The following DAB1 variants were observed in gnomAD, a reference collection of about 807,000 sequenced individuals.
The protein encoded by DAB1 is DAB adaptor protein 1, also known as disabled homolog 1.
In DAB1, 15 loss-of-function variants were observed where a neutral mutation model predicts 64.6. The observed-to-expected ratio is 0.23, with a 90% CI of 0.16 to 0.36. DAB1 has a LOEUF of 0.36. Ranked by LOEUF, DAB1 falls within the 10% of genes least tolerant of loss-of-function variation. The pLI is 1.00. For missense variants in DAB1, 596 were observed against 706.7 expected (o/e 0.84, Z 1.78); for synonymous variants, 235 against 251.9 (o/e 0.93, Z 0.64).
At chr1:57,355,873 A>AACACACACACAC (rs10529674) in intron 1 of DAB1, among the ~76,000 whole-genome samples, 1 of 146,318 alleles carries the variant, frequency 6.8e-6, no homozygotes, top group East Asian at 2.2e-4. Context: ...AACCTCAATA[A>AACACACACACAC]ACACACACAC....
chr1:57,496,072 T>C (rs564309251), intron 7 of DAB1, among the ~76,000 whole-genome samples: 40 of 152,356 alleles, frequency 2.6e-4, no homozygotes, highest in Non-Finnish European at 5.0e-4. Context: ...CGTGTTTCTC[T>C]CTTTAGTAAG....
At chr1:57,841,579 C>A (rs1330323732) in intron 1 of DAB1, among the ~76,000 whole-genome samples, 2 of 152,254 alleles carry the variant, frequency 1.3e-5, no homozygotes. Context: ...GCAGGCCTAA[C>A]ACCACATGGA....
rs372883296 is a variant in DAB1, at chr1:58,403,639, T to C, written n.258-60236A>G. On this transcript the variant is annotated intron_variant and non_coding_transcript_variant, in intron 3 of 20. Coordinates refer to the DAB1 transcript ENST00000485760. ...CTCTCTGAGCCTCAATTTCCTCATGTGTAAAATGCAAGGAAGGGCAGGTAT... is the reference window on the plus strand; with the variant it reads ...CTCTCTGAGCCTCAATTTCCTCATGCGTAAAATGCAAGGAAGGGCAGGTAT... Among the ~76,000 whole-genome samples the C allele has an allele frequency of 3.9e-5, 6 of 152,324 alleles. No homozygotes were observed. In the East Asian group the frequency reaches 1.2e-3, roughly 29 times the overall value.
At chr1:58,376,594 T>A (rs904559994) in intron 3 of DAB1, among the ~76,000 whole-genome samples, 1 of 147,586 alleles carries the variant, frequency 6.8e-6, no homozygotes, top group Non-Finnish European at 1.5e-5. Flanking sequence ...GAGCTTTACT[T>A]CCAACTATGT....
intron 7 of DAB1, among the ~76,000 whole-genome samples, chr1:57,550,260 G>A (rs947124116): frequency 4.6e-5 from 7 of 152,162 alleles, no homozygotes; most frequent in Admixed American, 1.3e-4. Context: ...AGTATTGCAT[G>A]CCATTCACAG....
intron 3 of DAB1, among the ~76,000 whole-genome samples, chr1:58,392,692 T>C (rs1356939746): frequency 6.6e-6 from 1 of 152,236 alleles, no homozygotes; most frequent in Non-Finnish European, 1.5e-5. Context: ...ATGAGCTATA[T>C]GCTTGGTGAT....
rs939928807 is a variant in DAB1 at position 57,455,866 on chromosome 1, T to G, written n.626-164700A>C. ...AACTTGGGACGATTTAATATATCTG[T>G]CATTTCTAGTCAGGGATTTCTTGCG... On this transcript the variant is annotated intron_variant and non_coding_transcript_variant, in intron 7 of 20. Transcript: ENST00000485760. Among the ~76,000 whole-genome samples the G allele has an allele frequency of 3.3e-5, 5 of 152,178 alleles. 1 individual carries two copies. The highest frequency in any genetic ancestry group is 1.2e-4 in the African/African-American group (5 of 41,450).
intron 2 of DAB1, among the ~76,000 whole-genome samples, chr1:57,216,613 T>C (rs1032571143): frequency 6.6e-6 from 1 of 152,184 alleles, no homozygotes; most frequent in Non-Finnish European, 1.5e-5. Context: ...GAGACTGTAA[T>C]CTAGTTTAGA....
At chr1:57,438,865 GC>G (rs2101127949) in intron 7 of DAB1, among the ~76,000 whole-genome samples, 1 of 152,216 alleles carries the variant, frequency 6.6e-6, no homozygotes, top group Non-Finnish European at 1.5e-5. Context: ...CTCTTCAGTT[GC>G]CTCTTACTTT....
chr1:58,444,949 G>T (rs1203261975), intron 3 of DAB1, among the ~76,000 whole-genome samples: 1 of 152,164 alleles, frequency 6.6e-6, no homozygotes, highest in African/African-American at 2.4e-5. Flanking sequence ...AATAATTGTT[G>T]CTGGTTGTGT....
At chr1:58,505,255 C>T (rs761027765) in intron 3 of DAB1, among the ~76,000 whole-genome samples, 7 of 152,200 alleles carry the variant, frequency 4.6e-5, no homozygotes, top group Non-Finnish European at 7.3e-5. Flanking sequence ...TTCTATAATA[C>T]ACCTGGATCT....
chr1:58,056,312 T>G, intron 5 of DAB1: 1 of 1,538,520 alleles, frequency 6.5e-7, no homozygotes, highest in Non-Finnish European at 8.9e-7. Flanking sequence ...TCGAAGACGC[T>G]CGCTTCAGAA....
At chr1:57,497,926 A>G (rs1381430368) in intron 7 of DAB1, among the ~76,000 whole-genome samples, 1 of 152,218 alleles carries the variant, frequency 6.6e-6, no homozygotes, top group Non-Finnish European at 1.5e-5. Context: ...GAACTGGAAG[A>G]GGATAAGGGA....
At chr1:58,163,114 C>CA (rs1318604941) in intron 4 of DAB1, among the ~76,000 whole-genome samples, 3 of 152,200 alleles carry the variant, frequency 2.0e-5, no homozygotes, top group African/African-American at 7.2e-5. Context: ...AAACCAGGAG[C>CA]AAGTCCTGCC....
At chr1:57,238,902 T>C (rs944742483) in intron 2 of DAB1, among the ~76,000 whole-genome samples, 1 of 136,066 alleles carries the variant, frequency 7.3e-6, no homozygotes, top group African/African-American at 2.7e-5. Flanking sequence ...CACCCCTAAC[T>C]TGAAATGGTT....
intron 5 of DAB1, among the ~76,000 whole-genome samples, chr1:57,944,540 G>A (rs1645156052): frequency 6.6e-6 from 1 of 152,102 alleles, no homozygotes; most frequent in South Asian, 2.1e-4. Context: ...CTTGCTCTTT[G>A]GGATTTCTTA....
intron 7 of DAB1, among the ~76,000 whole-genome samples, chr1:57,596,044 GT>G (rs1181363635): frequency 6.6e-6 from 1 of 152,054 alleles, no homozygotes; most frequent in African/African-American, 2.4e-5. Context: ...TTTATTTGTT[GT>G]TTTTTTCTAT....
At position 58,336,219 on chromosome 1, in the gene DAB1, C is replaced by T. The variant is rs528021365; in HGVS notation, n.309+7133G>A. The stretch of plus-strand genomic sequence containing the variant: ...AGAATAAGATGCAGATGCAAACATC[C>T]AGGACATACCAATTCCCTCAGCATG... On this transcript the variant is annotated intron_variant and non_coding_transcript_variant, in intron 4 of 20. Coordinates refer to the DAB1 transcript ENST00000485760. Among the ~76,000 whole-genome samples, 110 of 152,286 alleles carry T rather than the reference C, an allele frequency of 7.2e-4. 1 individual carries two copies. In the South Asian group the frequency reaches 0.011, roughly 15 times the overall value.
intron 6 of DAB1, among the ~76,000 whole-genome samples, chr1:57,782,290 G>A (rs1323833): frequency 0.15 from 22,418 of 152,066 alleles, 1,864 homozygotes; most frequent in East Asian, 0.26. Flanking sequence ...CACTGGTCCC[G>A]TATTTTACAG....
Sources: allele counts gnomAD v4.1 joint callset (sites outside exome capture counted in the v4.1 genomes callset), GRCh38; gene constraint gnomAD v4.1.1; transcripts MANE v1.5; gene names NCBI Gene and HGNC (gene_info 2026-07-23, HGNC 2026-07-21).